Variants in AGBL1 observed in about 807,000 individuals in gnomAD.
AGBL1 encodes the protein AGBL carboxypeptidase 1.
A neutral mutation model predicts 118.9 loss-of-function variants in AGBL1; 130 were observed. The ratio of observed to expected loss-of-function variants is 1.09; its 90% confidence interval spans 0.95 to 1.26. AGBL1 has a LOEUF of 1.26. Among genes scored for constraint, AGBL1 ranks in the 50% most tolerant of loss-of-function variants. The probability of loss-of-function intolerance (pLI) is 0.00; values close to 1 mark genes in which losing one functional copy is unlikely to be tolerated. For missense variants in AGBL1, 1,584 were observed against 1,298.1 expected, an observed-to-expected ratio of 1.22 and a Z score of -3.38; for synonymous variants, 555 against 478.9, an observed-to-expected ratio of 1.16 and a Z score of -2.08.
chr15:87,023,917 A>T (rs1481735657), intron 24 of AGBL1, among the ~76,000 whole-genome samples: 1 of 152,052 alleles, frequency 6.6e-6, no homozygotes, highest in Non-Finnish European at 1.5e-5. Flanking sequence ...AATGAAAATT[A>T]AAAAATTCTT....
At chr15:87,005,225 G>A (rs543234010) in intron 24 of AGBL1, among the ~76,000 whole-genome samples, 2 of 152,250 alleles carry the variant, frequency 1.3e-5, no homozygotes, top group East Asian at 3.9e-4. Flanking sequence ...TCCTGAATTT[G>A]AATGTTGGCC....
chr15:86,440,337 A>G (rs1162035921), intron 18 of AGBL1, among the ~76,000 whole-genome samples: 1 of 152,050 alleles, frequency 6.6e-6, no homozygotes, highest in African/African-American at 2.4e-5. Flanking sequence ...GTAGGTTTAT[A>G]TATTATTTGG....
At chr15:86,498,941 G>A (rs567085153) in intron 18 of AGBL1, among the ~76,000 whole-genome samples, 35 of 151,984 alleles carry the variant, frequency 2.3e-4, no homozygotes, top group African/African-American at 8.4e-4. Context: ...GCACACACCT[G>A]CTTTTTGAAG....
At chr15:86,238,749 T>C (rs996370674) in intron 6 of AGBL1, among the ~76,000 whole-genome samples, 1 of 152,240 alleles carries the variant, frequency 6.6e-6, no homozygotes, top group Admixed American at 6.5e-5. Flanking sequence ...TCATATGGAA[T>C]GTAGAATGTT....
intron 21 of AGBL1, among the ~76,000 whole-genome samples, chr15:86,640,249 C>G (rs1468884903): frequency 6.6e-6 from 1 of 151,986 alleles, no homozygotes; most frequent in Non-Finnish European, 1.5e-5. Context: ...ATGTGTCATT[C>G]CTATGTTTAT....
At chr15:86,918,610 T>C (rs2080453063), downstream of AGBL1, among the ~76,000 whole-genome samples, 1 of 152,168 alleles carries the variant, frequency 6.6e-6, no homozygotes, top group Admixed American at 6.5e-5. Flanking sequence ...CAAGGCCTGT[T>C]TTCTCCCCCA....
intron 5 of AGBL1, among the ~76,000 whole-genome samples, chr15:86,194,513 T>G (rs2141837007): frequency 6.6e-6 from 1 of 152,330 alleles, no homozygotes; most frequent in South Asian, 2.1e-4. Flanking sequence ...ATTTCCATGA[T>G]GATGGTTTTA....
intron 22 of AGBL1, among the ~76,000 whole-genome samples, chr15:86,763,366 G>C (rs2078053588): frequency 6.6e-6 from 1 of 151,832 alleles, no homozygotes; most frequent in South Asian, 2.1e-4. Context: ...TGAGAATATT[G>C]TATCCTCAAT....
chr15:86,392,931 C>T (rs1226743888), intron 17 of AGBL1, among the ~76,000 whole-genome samples: 2 of 152,098 alleles, frequency 1.3e-5, no homozygotes, highest in Admixed American at 6.6e-5. Flanking sequence ...AAGAAAAAAC[C>T]ACATGGTATG....
intron 5 of AGBL1, among the ~76,000 whole-genome samples, chr15:86,206,589 TC>T (rs1420428000): frequency 6.6e-6 from 1 of 152,242 alleles, no homozygotes; most frequent in Non-Finnish European, 1.5e-5. Context: ...TTTTCATGTG[TC>T]TTTTGGCTGC....
chr15:86,092,069 A>C (rs1042842104), intron 1 of AGBL1, among the ~76,000 whole-genome samples: 1 of 152,172 alleles, frequency 6.6e-6, no homozygotes, highest in Admixed American at 6.6e-5. Flanking sequence ...TCCTTCATCT[A>C]TTCAACAAAC....
At chr15:86,609,550 A>C (rs991141052) in intron 21 of AGBL1, among the ~76,000 whole-genome samples, 12 of 152,126 alleles carry the variant, frequency 7.9e-5, no homozygotes, top group Non-Finnish European at 1.3e-4. Context: ...CTTGGGTTTA[A>C]TACCGTTTTA....
At chr15:86,097,981 T>C (rs1896486420) in intron 1 of AGBL1, among the ~76,000 whole-genome samples, 1 of 152,164 alleles carries the variant, frequency 6.6e-6, no homozygotes, top group Non-Finnish European at 1.5e-5. Context: ...TAGCATCTGA[T>C]AGTTTTTGTC....
At chr15:86,820,378 T>G (rs1430612687) in intron 22 of AGBL1, among the ~76,000 whole-genome samples, 1 of 152,106 alleles carries the variant, frequency 6.6e-6, no homozygotes. Context: ...GGAGAAAATT[T>G]TTTCAATCTG....
chr15:86,348,053 C>T (rs146863506), intron 17 of AGBL1, among the ~76,000 whole-genome samples: 3 of 152,262 alleles, frequency 2.0e-5, no homozygotes, highest in South Asian at 2.1e-4. Flanking sequence ...TGTCCCCATG[C>T]GTTTCCAATT....
At chr15:86,693,271 A>AT (rs578062767) in intron 22 of AGBL1, among the ~76,000 whole-genome samples, 47 of 150,376 alleles carry the variant, frequency 3.1e-4, no homozygotes, top group African/African-American at 8.7e-4. Context: ...ACCGACATCT[A>AT]TTTTTTTTTA....
intron 22 of AGBL1, among the ~76,000 whole-genome samples, chr15:86,742,028 G>C (rs2077687111): frequency 6.6e-6 from 1 of 150,916 alleles, no homozygotes; most frequent in Admixed American, 6.6e-5. Context: ...CCACGCTAAA[G>C]ATGATGAAAG....
chr15:86,717,491 C>G (rs976786804), intron 22 of AGBL1, among the ~76,000 whole-genome samples: 4 of 152,066 alleles, frequency 2.6e-5, no homozygotes, highest in African/African-American at 9.7e-5. Flanking sequence ...TAAAGATAAG[C>G]ACATTTAGTT....
chr15:87,002,313 C>T (rs2081448702), intron 24 of AGBL1, among the ~76,000 whole-genome samples: 1 of 151,972 alleles, frequency 6.6e-6, no homozygotes, highest in South Asian at 2.1e-4. Flanking sequence ...TTTCTGAGGG[C>T]TCTGTTCTGT....
Sources: allele counts gnomAD v4.1 joint callset (sites outside exome capture counted in the v4.1 genomes callset), GRCh38; gene constraint gnomAD v4.1.1; transcripts MANE v1.5; gene names NCBI Gene and HGNC (gene_info 2026-07-23, HGNC 2026-07-21).